LRP4: variants seen among roughly 807,000 people sequenced by gnomAD.
LRP4 encodes LDL receptor related protein 4, also known as low-density lipoprotein receptor-related protein 4.
Under a neutral mutation model 220.3 loss-of-function variants are expected in LRP4, and 95 were observed. The observed-to-expected ratio is 0.43, with a 90% CI of 0.37 to 0.51. The LOEUF (loss-of-function observed/expected upper bound fraction) is 0.51. Ranked by LOEUF, LRP4 falls within the 20% of genes least tolerant of loss-of-function variation. The pLI, the probability that LRP4 is intolerant of heterozygous loss-of-function variation, is 0.00. For synonymous variants in LRP4, 903 were observed against 954.6 expected (o/e 0.95, Z 1.00); for missense variants, 1,925 against 2,567.0 (o/e 0.75, Z 5.40).
At chr11:46,898,444 C>T (rs1941588913) in intron 7 of LRP4, 114 bp downstream of exon 7, 1 of 1,477,958 alleles carries the variant, frequency 6.8e-7, no homozygotes, top group South Asian at 1.1e-5. Flanking sequence ...CCTTGGTCTC[C>T]CAAAGTGCTG....
chr11:46,897,877 T>C (rs1225514984), intron 7 of LRP4, among the ~76,000 whole-genome samples: 7 of 152,140 alleles, frequency 4.6e-5, no homozygotes, highest in Non-Finnish European at 8.8e-5. Flanking sequence ...CCGTTCTCAA[T>C]GAGCTGTTGG....
At chr11:46,904,777 C>T (rs952458853) in intron 1 of LRP4, among the ~76,000 whole-genome samples, 2 of 151,778 alleles carry the variant, frequency 1.3e-5, no homozygotes, top group African/African-American at 4.8e-5. Context: ...TGAGACCAGC[C>T]CGGGGAACAT....
In LRP4 at chr11:46,918,336, C is replaced by T; in HGVS notation, c.44G>A (p.Cys15Tyr). ...WGALLLGALL[C>Y]AHGLASSPEC... ...CGGCGGGCGCCGCTTACCGTGTGCG[C>T]AGAGCAGGGCGCCAAGCAGCAGCGC... Residue 15 changes from cysteine to tyrosine, a missense_variant, in exon 1 of 38, where the codon TGC becomes TAC. Cys to Tyr is a radical substitution (Grantham distance 194). Transcript: ENST00000378623. This position sits in a 1 kb window ranked among gnomAD's most constrained non-coding sequence, Gnocchi z 6.0. 1.3e-6 allele frequency: 2 copies of T among 1,497,550 alleles called. No individual in the cohort carries two copies. Among genetic ancestry groups the T allele is most frequent in the South Asian group, 1.2e-5 (1 of 80,676 alleles). 92.8% of individuals were successfully genotyped at this position (1,497,550 alleles called of 1,614,324 possible).
rs1941627633 is a variant in LRP4, at chr11:46,899,843, C to T, written c.430+20G>A. On this transcript the variant is annotated intron_variant, in intron 4 of 37. Coordinates refer to ENST00000378623, the MANE Select transcript of LRP4 (RefSeq NM_002334.4). The surrounding 1 kb of genome is among the most constrained non-coding windows in gnomAD (Gnocchi z 5.9). ...ACCCACTGGCCACCTTGCCTGCCTT[C>T]CCCCGTTGGGGTCACCCACCACACT... The T allele has an allele frequency of 2.5e-6, 4 of 1,608,370 alleles. No homozygotes were observed. The highest frequency in any genetic ancestry group is 2.6e-6 in the Non-Finnish European group (3 of 1,175,520).
Position 46,898,541 on chromosome 11 carries a change from TC to T in LRP4, c.796+16del. 6.2e-7 allele frequency: 1 copy of T among 1,613,960 alleles called. No individual in the cohort carries two copies. The highest frequency in any genetic ancestry group is 1.1e-5 in the South Asian group (1 of 91,068). On this transcript the variant is annotated intron_variant, in intron 7 of 37. Coordinates refer to ENST00000378623, the MANE Select transcript of LRP4 (RefSeq NM_002334.4). ...CTCCTTAGTTCAAGCCCAACCTAATTCCATTTCCCCACTCACTGCAGTTGCG... is the reference window on the plus strand; with the variant it reads ...CTCCTTAGTTCAAGCCCAACCTAATTCATTTCCCCACTCACTGCAGTTGCG...
chr11:46,891,078 A>T (rs1050606461), intron 13 of LRP4, among the ~76,000 whole-genome samples: 2 of 152,052 alleles, frequency 1.3e-5, no homozygotes, highest in Non-Finnish European at 2.9e-5. Context: ...TAGGACAGGC[A>T]CTTTCTTCTT....
At position 46,885,942 on chromosome 11, in the gene LRP4, A is replaced by C. The variant is rs1941283214; in HGVS notation, c.2506+149T>G. Reference sequence around the variant, plus strand: ...TGGGAGCTTCTCACTTCGGCTCTGCAGCAGCCCTCCGGCTTCTGACCTACC... The same window carrying C: ...TGGGAGCTTCTCACTTCGGCTCTGCCGCAGCCCTCCGGCTTCTGACCTACC... On this transcript the variant is annotated intron_variant, in intron 18 of 37. Coordinates refer to ENST00000378623, the MANE Select transcript of LRP4 (RefSeq NM_002334.4). 5.4e-6 allele frequency: 4 copies of C among 741,600 alleles called. No individual in the cohort carries two copies. In the Admixed American group the frequency reaches 7.5e-5, roughly 14 times the overall value. 45.9% of individuals were successfully genotyped at this position (741,600 alleles called of 1,614,324 possible). A position where few individuals can be genotyped will look rare whatever the true frequency, so the allele number is the denominator to read the frequency against.
Position 46,890,176 on chromosome 11 carries a change from C to A in LRP4, c.1916-56G>T. On this transcript the variant is annotated intron_variant, in intron 14 of 37. Transcript: ENST00000378623. The surrounding 1 kb of genome is among the most constrained non-coding windows in gnomAD (Gnocchi z 5.3). Reference sequence around the variant, plus strand: ...GACGTGGTCTGCCATGTCCCCTGGGCCCAGGCCTGGCAACTACACAAAACC... The same window carrying A: ...GACGTGGTCTGCCATGTCCCCTGGGACCAGGCCTGGCAACTACACAAAACC... The A allele has an allele frequency of 1.2e-6, 2 of 1,607,406 alleles. No individual in the cohort carries two copies. The highest frequency in any genetic ancestry group is 1.7e-4 in the Middle Eastern group (1 of 5,916).
intron 1 of LRP4, among the ~76,000 whole-genome samples, chr11:46,912,981 C>T (rs1414445126): frequency 6.6e-6 from 1 of 152,084 alleles, no homozygotes; most frequent in Non-Finnish European, 1.5e-5. Flanking sequence ...CTCAGCTGTG[C>T]ATAGAGGTGA....
intron 18 of LRP4, 98 bp from the exon 19 acceptor site, chr11:46,884,074 C>T: frequency 1.1e-6 from 1 of 891,802 alleles, no homozygotes; most frequent in Non-Finnish European, 1.9e-6. Flanking sequence ...CAGCAGAGCA[C>T]AGAGTAGGGG....
chr11:46,874,983 T>C lies in LRP4; in HGVS notation c.4046A>G (p.Asp1349Gly), dbSNP rs1400266967. The change falls in exon 28 of 38, where the codon GAT becomes GGT. Residue 1349 changes from aspartate (D) to glycine (G), a missense_variant. By Grantham distance (94) the Asp-to-Gly change is moderately conservative. This residue lies in a region of LRP4 where 1,244 missense variants were observed against 1,624.9 expected (regional missense o/e 0.77). Transcript: ENST00000378623. Reference protein sequence around the residue: ...IQLKGDGKTCDPSPETYLLFS... With the variant: ...IQLKGDGKTCGPSPETYLLFS... ...GAGCAGGTAGGTCTCAGGAGAGGGA[T>C]CACAGGTCTTCCCATCTCCCTTCAG... The C allele has an allele frequency of 6.2e-7, 1 of 1,614,128 alleles. No homozygotes were observed. Among genetic ancestry groups the C allele is most frequent in the Non-Finnish European group, 8.5e-7 (1 of 1,180,022 alleles).
At chr11:46,868,837 C>T in intron 32 of LRP4, 124 bp from the exon 33 acceptor site, 1 of 1,265,010 alleles carries the variant, frequency 7.9e-7, no homozygotes, top group Non-Finnish European at 1.2e-6. Flanking sequence ...AGGAGAGATA[C>T]AACCGCGAGG....
chr11:46,861,522 A>AATTTTT (rs1565773314), intron 37 of LRP4, among the ~76,000 whole-genome samples: 2 of 38,162 alleles, frequency 5.2e-5, no homozygotes, highest in Non-Finnish European at 1.4e-4. Flanking sequence ...TGGAAATGGG[A>AATTTTT]CTTTTTTTTT....
intron 16 of LRP4, among the ~76,000 whole-genome samples, chr11:46,887,837 AAAAC>A (rs1311053658): frequency 2.0e-5 from 3 of 151,638 alleles, no homozygotes; most frequent in South Asian, 4.2e-4. Flanking sequence ...TCTCAAAAAC[AAAAC>A]AAACAAACAA....
At chr11:46,889,660 A>G in intron 15 of LRP4, 127 bp from the exon 16 acceptor site, 2 of 1,298,834 alleles carry the variant, frequency 1.5e-6, no homozygotes, top group South Asian at 2.5e-5. Flanking sequence ...TATTTTTGAC[A>G]TCTGCCCCTG....
chr11:46,875,807 G>T lies in LRP4; in HGVS notation c.3696C>A (p.Thr1232=). Residue 1232 remains threonine (T), a synonymous_variant, in exon 26 of 38, where the codon ACC becomes ACA. Transcript: ENST00000378623. This position sits in a 1 kb window ranked among gnomAD's most constrained non-coding sequence, Gnocchi z 4.5. The part of the protein sequence containing the change: ...SSQLLWADAH[T]ERIEAADLNG... ...GCAGCAGGGACACGGCTCTCACCTC[G>T]GTGTGGGCATCGGCCCATAGCAGTT... The T allele has an allele frequency of 1.2e-6, 2 of 1,614,020 alleles. No individual in the cohort carries two copies. The highest frequency in any genetic ancestry group is 1.7e-6 in the Non-Finnish European group (2 of 1,180,012).
chr11:46,864,317 C>T (rs1238190941), intron 36 of LRP4, 131 bp downstream of exon 36: 12 of 765,266 alleles, frequency 1.6e-5, no homozygotes, highest in Admixed American at 1.0e-4. Context: ...TTCTGCTGCC[C>T]TGACCAGGCA....
At chr11:46,912,838 A>G (rs1941886437) in intron 1 of LRP4, among the ~76,000 whole-genome samples, 1 of 152,228 alleles carries the variant, frequency 6.6e-6, no homozygotes, top group Non-Finnish European at 1.5e-5. Flanking sequence ...CACTGCCTGG[A>G]GCCAGGAGCT....
At chr11:46,898,104 A>AC (rs1405594107) in intron 7 of LRP4, among the ~76,000 whole-genome samples, 1 of 144,590 alleles carries the variant, frequency 6.9e-6, no homozygotes, top group Non-Finnish European at 1.5e-5. Context: ...CGGGGGGCTG[A>AC]CCCCCCCACC....
Sources: gnomAD v4.1 joint callset for allele counts (sites outside exome capture counted in the v4.1 genomes callset) on GRCh38, gnomAD v4.1.1 for gene constraint, gnomAD v4.1.1 regional missense constraint, Gnocchi (gnomAD v3.1) non-coding constraint, MANE v1.5 for transcripts, NCBI Gene and HGNC (gene_info 2026-07-23, HGNC 2026-07-21) for gene names.